Variants in ADGRV1 observed in about 807,000 individuals in gnomAD.
The protein encoded by ADGRV1 is adhesion G protein-coupled receptor V1, also known as G-protein coupled receptor 98.
ADGRV1 carries 359 observed loss-of-function variants against 596.2 expected under a neutral mutation model. That is an observed-to-expected ratio of 0.60 (90% CI 0.55 to 0.66). The LOEUF (loss-of-function observed/expected upper bound fraction) is 0.66, where lower values mean the gene tolerates loss of function less well. ADGRV1 is among the 30% of genes least tolerant of loss of function. The pLI is 0.00. For missense variants in ADGRV1, 7,274 were observed against 7,575.6 expected (o/e 0.96, Z 1.48); for synonymous variants, 2,681 against 2,679.2 (o/e 1.00, Z -0.02).
chr5:90,794,921 T>C (rs895758441), intron 70 of ADGRV1, among the ~76,000 whole-genome samples: 1 of 151,938 alleles, frequency 6.6e-6, no homozygotes, highest in African/African-American at 2.4e-5. Flanking sequence ...CATGAGGGAC[T>C]GAGCCTGAAG....
intron 83 of ADGRV1, among the ~76,000 whole-genome samples, chr5:90,961,487 CA>C (rs34654014): frequency 0.078 from 3,626 of 46,236 alleles, 38 homozygotes; most frequent in African/African-American, 0.16. Flanking sequence ...GACTCCGTCT[CA>C]AAAAAAAAAA....
intron 11 of ADGRV1, among the ~76,000 whole-genome samples, chr5:90,641,698 T>G (rs529120005): frequency 1.3e-5 from 2 of 152,306 alleles, no homozygotes; most frequent in South Asian, 4.1e-4. Flanking sequence ...TCTACATATT[T>G]CTACATATGA....
At chr5:90,668,900 C>G (rs1028275630) in intron 21 of ADGRV1, among the ~76,000 whole-genome samples, 2 of 152,100 alleles carry the variant, frequency 1.3e-5, no homozygotes, top group Admixed American at 1.3e-4. Flanking sequence ...AAATCCTCAT[C>G]TTAGTCCTAA....
chr5:90,916,292 A>G (rs1274398935), intron 83 of ADGRV1, among the ~76,000 whole-genome samples: 1 of 152,192 alleles, frequency 6.6e-6, no homozygotes, highest in East Asian at 1.9e-4. Context: ...TTAAATGACA[A>G]TTTAATAACT....
chr5:91,032,684 G>A (rs996415056), intron 85 of ADGRV1, among the ~76,000 whole-genome samples: 3 of 151,988 alleles, frequency 2.0e-5, no homozygotes, highest in Admixed American at 1.3e-4. Context: ...GTTTCTGAAA[G>A]AAACAAAATC....
At position 90,686,478 on chromosome 5, in the gene ADGRV1, T is replaced by C. The variant is rs9716785; in HGVS notation, c.6490+483T>C. Among the ~76,000 whole-genome samples, 1,462 of 152,196 alleles carry C rather than the reference T, an allele frequency of 9.6e-3. 11 individuals are homozygous for C. Among genetic ancestry groups the C allele is most frequent in the Non-Finnish European group, 0.015 (987 of 68,022 alleles). On this transcript the variant is annotated intron_variant, in intron 29 of 89. Transcript: ENST00000405460. ...GAATATGCAGTGTTTGGTTTTTTGT[T>C]CTTGTGATAGTTTACTGAGAATGAT...
chr5:90,792,954 G>C (rs1222106543), intron 70 of ADGRV1: 2 of 152,344 alleles, frequency 1.3e-5, no homozygotes, highest in African/African-American at 4.8e-5. Flanking sequence ...GAATGTGGGG[G>C]AGACTGGAAC....
At position 90,805,284 on chromosome 5, in the gene ADGRV1, G is replaced by A. The variant is rs1311226836; in HGVS notation, c.14662G>A (p.Val4888Ile). 1 of 1,607,930 alleles carries A rather than the reference G, an allele frequency of 6.2e-7. No homozygotes were observed. Among genetic ancestry groups the A allele is most frequent in the African/African-American group, 1.3e-5 (1 of 74,848 alleles). ...TACTCTAAGCATGATTTTCCCTCAGGTCGGATTTGAATCCACTGCTTTTCA... is the reference window on the plus strand; with the variant it reads ...TACTCTAAGCATGATTTTCCCTCAGATCGGATTTGAATCCACTGCTTTTCA... The part of the protein sequence containing the change: ...PVSEKAANSQ[V>I]GFESTAFQLM... Residue 4888 changes from valine (V) to isoleucine (I), a missense_variant and splice_region_variant, in exon 72 of 90, where the codon GTC becomes ATC. Coordinates refer to ENST00000405460, the MANE Select transcript of ADGRV1 (RefSeq NM_032119.4).
chr5:91,057,265 G>C (rs1262579696), intron 85 of ADGRV1, among the ~76,000 whole-genome samples: 1 of 152,096 alleles, frequency 6.6e-6, no homozygotes, highest in Non-Finnish European at 1.5e-5. Flanking sequence ...GCACATGCAA[G>C]ATTTATTTGA....
At chr5:90,700,206 A>T (rs1312237362) in intron 34 of ADGRV1, among the ~76,000 whole-genome samples, 1 of 152,202 alleles carries the variant, frequency 6.6e-6, no homozygotes, top group African/African-American at 2.4e-5. Context: ...TTCTTCAGAG[A>T]TAACCGCTAA....
intron 83 of ADGRV1, among the ~76,000 whole-genome samples, chr5:90,888,650 C>A (rs555863760): frequency 2.6e-5 from 4 of 152,088 alleles, no homozygotes; most frequent in Non-Finnish European, 5.9e-5. Flanking sequence ...CATTGTACTG[C>A]AGATTTGCTT....
chr5:90,782,791 T>G (rs1424677037), intron 65 of ADGRV1, among the ~76,000 whole-genome samples: 1 of 152,172 alleles, frequency 6.6e-6, no homozygotes, highest in Non-Finnish European at 1.5e-5. Flanking sequence ...ACAACTTAAA[T>G]GTTTTTTTGT....
intron 85 of ADGRV1, among the ~76,000 whole-genome samples, chr5:91,047,135 T>A (rs1785900598): frequency 3.9e-5 from 6 of 152,208 alleles, no homozygotes; most frequent in Admixed American, 3.9e-4. Flanking sequence ...ATAGTACTGA[T>A]CTGGGAGTTC....
chr5:90,597,874 T>A (rs1048823957), intron 1 of ADGRV1, among the ~76,000 whole-genome samples: 2 of 152,190 alleles, frequency 1.3e-5, no homozygotes, highest in African/African-American at 4.8e-5. Context: ...GGAGACAGTC[T>A]ATGGAGATAG....
At chr5:90,847,369 C>T (rs557617758) in intron 78 of ADGRV1, among the ~76,000 whole-genome samples, 10 of 152,334 alleles carry the variant, frequency 6.6e-5, no homozygotes, top group African/African-American at 2.4e-4. Context: ...GAGCTAGATA[C>T]AGAGTGCCGA....
intron 1 of ADGRV1, among the ~76,000 whole-genome samples, chr5:90,602,818 A>C (rs1299490052): frequency 6.6e-6 from 1 of 152,254 alleles, no homozygotes; most frequent in Non-Finnish European, 1.5e-5. Flanking sequence ...GAAATGATTA[A>C]TAGACATGGT....
chr5:90,852,279 T>C (rs1020030848), intron 79 of ADGRV1, among the ~76,000 whole-genome samples: 1 of 152,234 alleles, frequency 6.6e-6, no homozygotes, highest in Non-Finnish European at 1.5e-5. Flanking sequence ...TTTTCCTGAC[T>C]CAGTTTAAAA....
chr5:90,657,857 CA>C, intron 20 of ADGRV1, 47 bp from the exon 21 acceptor site: 1 of 1,497,408 alleles, frequency 6.7e-7, no homozygotes. Flanking sequence ...AAATTTAGGA[CA>C]GGACACTTGA....
At chr5:90,638,749 G>A (rs983073251) in intron 11 of ADGRV1, among the ~76,000 whole-genome samples, 57 of 152,032 alleles carry the variant, frequency 3.7e-4, no homozygotes, top group African/African-American at 1.4e-3. Context: ...AAATTCAAGG[G>A]ACATTTTGTG....
Sources: allele counts gnomAD v4.1 joint callset (sites outside exome capture counted in the v4.1 genomes callset), GRCh38; gene constraint gnomAD v4.1.1; transcripts MANE v1.5; gene names NCBI Gene and HGNC (gene_info 2026-07-23, HGNC 2026-07-21).